The following F8 variants were observed in gnomAD, a reference collection of about 807,000 sequenced individuals.
F8 encodes coagulation factor VIII.
F8 carries 12 observed loss-of-function variants against 140.6 expected under a neutral mutation model. That is an observed-to-expected ratio of 0.09 (90% CI 0.05 to 0.14). The LOEUF is 0.14. Ranked by LOEUF, F8 falls within the 10% of genes least tolerant of loss-of-function variation. The probability of loss-of-function intolerance (pLI) is 1.00; values close to 1 mark genes in which losing one functional copy is unlikely to be tolerated. For missense variants in F8, 1,354 were observed against 1,720.7 expected (o/e 0.79, Z 3.77); for synonymous variants, 585 against 614.6 (o/e 0.95, Z 0.71).
At chrX:154,993,868 T>G (rs180770347) in intron 3 of F8, among the ~76,000 whole-genome samples, 1 of 112,285 alleles carries the variant, frequency 8.9e-6, no homozygotes, top group East Asian at 2.8e-4. Flanking sequence ...AACACTATGT[T>G]TGGTGGGGGA....
chrX:154,840,136 C>T (rs2072509202), intron 25 of F8, among the ~76,000 whole-genome samples: 1 of 111,964 alleles, frequency 8.9e-6, no homozygotes. Flanking sequence ...AACCCTTTCC[C>T]TTTCCTAACA....
rs1326791585 is a variant in F8 at position 154,993,065 on chromosome X, G to T, written c.472C>A (p.Gln158Lys). The change falls in exon 4 of 26, where the codon CAG becomes AAG. Residue 158 changes from glutamine (Q) to lysine (K), a missense_variant. Coordinates refer to ENST00000360256, the MANE Select transcript of F8 (RefSeq NM_000132.4). Reference protein sequence around the residue: ...FPGGSHTYVWQVLKENGPMAS... With the variant: ...FPGGSHTYVWKVLKENGPMAS... ...ATTGGACCATTCTCTTTCAGGACCT[G>T]CCAGACATATGTATGGCTTCCACCA... The T allele has an allele frequency of 8.3e-7, 1 of 1,209,891 alleles. No individual in the cohort carries two copies. Among genetic ancestry groups the T allele is most frequent in the Non-Finnish European group, 1.1e-6 (1 of 894,869 alleles).
At chrX:154,899,396 A>G (rs782071410) in intron 21 of F8, among the ~76,000 whole-genome samples, 1 of 112,196 alleles carries the variant, frequency 8.9e-6, no homozygotes, top group South Asian at 3.7e-4. Context: ...CATATGTTGA[A>G]ATGATAGTAT....
intron 1 of F8, among the ~76,000 whole-genome samples, chrX:155,013,046 T>A: frequency 9.9e-6 from 1 of 101,012 alleles, no homozygotes; most frequent in Non-Finnish European, 2.0e-5. Flanking sequence ...CTCGGGAGGC[T>A]GAGGCAGGAG....
intron 19 of F8, among the ~76,000 whole-genome samples, chrX:154,901,794 T>C (rs1326374961): frequency 8.9e-6 from 1 of 111,764 alleles, no homozygotes; most frequent in Non-Finnish European, 1.9e-5. Context: ...CTTCGAGCTT[T>C]ACCAAGTTGT....
At chrX:154,848,796 G>C (rs1295833354) in intron 25 of F8, among the ~76,000 whole-genome samples, 3 of 110,845 alleles carry the variant, frequency 2.7e-5, no homozygotes, top group Non-Finnish European at 5.7e-5. Flanking sequence ...CCACTGTCCT[G>C]CACCCACTGT....
intron 1 of F8, among the ~76,000 whole-genome samples, chrX:155,017,898 G>T (rs1557287170): frequency 9.0e-6 from 1 of 111,028 alleles, no homozygotes; most frequent in Non-Finnish European, 1.9e-5. Flanking sequence ...TTTTGAAATG[G>T]AGTCTCACTC....
chrX:154,985,977 A>G (rs1268472904), intron 5 of F8, among the ~76,000 whole-genome samples: 1 of 112,530 alleles, frequency 8.9e-6, no homozygotes, highest in African/African-American at 3.2e-5. Flanking sequence ...ATGATAAGGA[A>G]TAAGCTCAAG....
At chrX:155,002,211 G>T (rs972389999) in intron 1 of F8, among the ~76,000 whole-genome samples, 3 of 112,419 alleles carry the variant, frequency 2.7e-5, no homozygotes, top group African/African-American at 9.7e-5. Flanking sequence ...ACCACATTTA[G>T]ATTATCCATT....
intron 13 of F8, among the ~76,000 whole-genome samples, chrX:154,944,179 T>G (rs1178646029): frequency 9.1e-6 from 1 of 110,384 alleles, no homozygotes; most frequent in African/African-American, 3.3e-5. Flanking sequence ...GGGAACTAAT[T>G]AAACTAAAGA....
rs1379297490 is a variant in F8 at position 154,855,892 on chromosome X, G to C, written c.6900+4540C>G. The stretch of plus-strand genomic sequence containing the variant: ...TTGAGTTTTCTAATTTACACAAGCA[G>C]GAATCCAGAGAATATGTATAGGAAT... On this transcript the variant is annotated intron_variant, in intron 25 of 25. Coordinates refer to ENST00000360256, the MANE Select transcript of F8 (RefSeq NM_000132.4). Among the ~76,000 whole-genome samples the C allele has an allele frequency of 6.3e-5, 7 of 111,448 alleles. No homozygotes were observed. The Admixed American group carries it at 6.7e-4, about 11-fold the overall frequency.
chrX:154,953,310 C>T (rs959776602), intron 12 of F8, among the ~76,000 whole-genome samples: 17 of 111,566 alleles, frequency 1.5e-4, no homozygotes, highest in African/African-American at 5.2e-4. Flanking sequence ...TGGGCCCTAG[C>T]CCAACAATAC....
At chrX:154,937,474 C>T (rs963406603) in intron 13 of F8, among the ~76,000 whole-genome samples, 11 of 108,325 alleles carry the variant, frequency 1.0e-4, no homozygotes, top group Admixed American at 1.0e-3. Flanking sequence ...TGCTAGATGA[C>T]GAGTTAGTGG....
intron 22 of F8, among the ~76,000 whole-genome samples, chrX:154,871,121 C>A (rs2072770883): frequency 8.9e-6 from 1 of 111,949 alleles, no homozygotes; most frequent in Non-Finnish European, 1.9e-5. Context: ...GGCCATACTG[C>A]CCAAAGTAAT....
At chrX:154,859,179 G>GAGAC (rs1484670933) in intron 25 of F8, among the ~76,000 whole-genome samples, 3 of 111,924 alleles carry the variant, frequency 2.7e-5, no homozygotes, top group Non-Finnish European at 5.6e-5. Context: ...CAGAGAGAGA[G>GAGAC]AGACAGACAG....
intron 6 of F8, among the ~76,000 whole-genome samples, chrX:154,982,813 A>T (rs1429330658): frequency 8.9e-6 from 1 of 112,102 alleles, no homozygotes; most frequent in Non-Finnish European, 1.9e-5. Flanking sequence ...GATACTTGGG[A>T]CCCGTATAAA....
intron 25 of F8, among the ~76,000 whole-genome samples, chrX:154,851,051 A>G (rs895609297): frequency 8.9e-6 from 1 of 111,778 alleles, no homozygotes; most frequent in African/African-American, 3.3e-5. Flanking sequence ...TTAAGAAGCC[A>G]CTCCACATTC....
chrX:154,965,256 C>G (rs1443587618), intron 9 of F8, among the ~76,000 whole-genome samples: 2 of 111,805 alleles, frequency 1.8e-5, no homozygotes, highest in Non-Finnish European at 3.8e-5. Context: ...TACAAAATTG[C>G]TGAAAGTCAG....
At chrX:154,960,091 CA>C (rs1423420596) in intron 10 of F8, among the ~76,000 whole-genome samples, 2 of 111,331 alleles carry the variant, frequency 1.8e-5, no homozygotes, top group East Asian at 5.6e-4. Context: ...AGTATGGAGT[CA>C]AAAGATATTT....
Sources: allele counts gnomAD v4.1 joint callset (sites outside exome capture counted in the v4.1 genomes callset), GRCh38; gene constraint gnomAD v4.1.1; transcripts MANE v1.5; gene names NCBI Gene and HGNC (gene_info 2026-07-23, HGNC 2026-07-21).